The following CYFIP1 variants were observed in gnomAD, a reference collection of about 807,000 sequenced individuals.
CYFIP1 encodes cytoplasmic FMR1 interacting protein 1.
CYFIP1 carries 58 observed loss-of-function variants against 163.5 expected under a neutral mutation model. The observed-to-expected ratio is 0.35, with a 90% CI of 0.29 to 0.44. The LOEUF (loss-of-function observed/expected upper bound fraction) is 0.44, where lower values mean the gene tolerates loss of function less well. Ranked by LOEUF, CYFIP1 falls within the 20% of genes least tolerant of loss-of-function variation. The pLI is 1.00. For missense variants in CYFIP1, 1,338 were observed against 1,653.8 expected (o/e 0.81, Z 3.31); for synonymous variants, 663 against 660.7 (o/e 1.00, Z -0.05).
Position 22,875,325 on chromosome 15 carries a change from A to G in CYFIP1, c.3043-54T>C, listed in dbSNP as rs1031507342. The G allele has an allele frequency of 8.0e-6, 12 of 1,502,386 alleles. No individual in the cohort carries two copies. The African/African-American group carries it at 1.1e-4, about 14-fold the overall frequency. The allele number at this position is 1,502,386 out of a possible 1,614,324, so 93.1% of individuals were successfully genotyped here. On this transcript the variant is annotated intron_variant, in intron 26 of 30. Coordinates refer to ENST00000617928, the MANE Select transcript of CYFIP1 (RefSeq NM_014608.6). ...AGGAAGGGTATCTCGCCAGAGAGCA[A>G]TCTGGTGCTGAAAACCAAGAACTTC...
chr15:22,872,777 T>G, intron 30 of CYFIP1, 48 bp downstream of exon 30: 1 of 1,583,124 alleles, frequency 6.3e-7, no homozygotes. Context: ...AAAGAAAGTA[T>G]GCTTTTGCAA....
At chr15:22,874,504 T>C (rs986183416) in intron 28 of CYFIP1, 46 bp downstream of exon 28, 26 of 1,469,482 alleles carry the variant, frequency 1.8e-5, no homozygotes, top group Non-Finnish European at 2.4e-5. Context: ...TGGCCTGGCA[T>C]GGATGCCCAG....
intron 25 of CYFIP1, among the ~76,000 whole-genome samples, chr15:22,880,490 C>T (rs754671647): frequency 6.6e-6 from 1 of 152,214 alleles, no homozygotes; most frequent in Non-Finnish European, 1.5e-5. Flanking sequence ...GGAGGCCGCA[C>T]ACCAGGCCAG....
chr15:22,953,845 G>A (rs2062345615), intron 1 of CYFIP1, among the ~76,000 whole-genome samples: 1 of 152,144 alleles, frequency 6.6e-6, no homozygotes, highest in Non-Finnish European at 1.5e-5. Context: ...CACGAAGTCA[G>A]GAGATCGAGA....
At chr15:22,952,108 T>C (rs1595692189) in intron 1 of CYFIP1, among the ~76,000 whole-genome samples, 2 of 152,242 alleles carry the variant, frequency 1.3e-5, no homozygotes, top group East Asian at 3.9e-4. Context: ...TTAACGACCT[T>C]AGGCTAAGTG....
At chr15:22,942,686 A>T (rs905032406) in intron 6 of CYFIP1, among the ~76,000 whole-genome samples, 3 of 152,204 alleles carry the variant, frequency 2.0e-5, no homozygotes, top group African/African-American at 7.2e-5. Flanking sequence ...TGACCACGAG[A>T]CACCCTGTGA....
Position 22,910,549 on chromosome 15 carries a change from C to G in CYFIP1, c.2239G>C (p.Glu747Gln), listed in dbSNP as rs775125953. Residue 747 changes from glutamate (E) to glutamine (Q), a missense_variant, in exon 20 of 31, where the codon GAG (glutamate) becomes CAG (glutamine). By Grantham distance (29) the Glu-to-Gln change is conservative. Transcript: ENST00000617928. ...ACATGCCTCTGCTTCAGCAGCGTCT[C>G]GTAGCGGTTAGACGGCGGGAGGTGG... ...TIHLPPSNRYETLLKQRHVQL... is the reference protein window; with the variant it reads ...TIHLPPSNRYQTLLKQRHVQL... 1 of 1,613,978 alleles carries G rather than the reference C, an allele frequency of 6.2e-7. No homozygotes were observed. The highest frequency in any genetic ancestry group is 1.1e-5 in the South Asian group (1 of 91,092).
At chr15:22,924,855 T>C (rs1432970992) in intron 13 of CYFIP1, among the ~76,000 whole-genome samples, 1 of 152,072 alleles carries the variant, frequency 6.6e-6, no homozygotes, top group East Asian at 1.9e-4. Context: ...GTGGATTGCT[T>C]GAGCTCAGGA....
chr15:22,946,775 G>A (rs562618453), intron 3 of CYFIP1: 30 of 674,296 alleles, frequency 4.4e-5, no homozygotes, highest in African/African-American at 4.0e-4. Flanking sequence ...CCCTTGAAAC[G>A]CTGACAAAGG....
chr15:22,917,060 GGAGA>G lies in CYFIP1; in HGVS notation c.1675-434_1675-431del. 2.7e-6 allele frequency: 4 copies of G among 1,507,354 alleles called. No homozygotes were observed. The highest frequency in any genetic ancestry group is 3.5e-6 in the Non-Finnish European group (4 of 1,128,028). The allele number at this position is 1,507,354 out of a possible 1,614,324, so 93.4% of individuals were successfully genotyped here. A position where few individuals can be genotyped will look rare whatever the true frequency, so the allele number is the denominator to read the frequency against. ...CACGGACAGACAGGAGGGAGAGGCAGGAGAGAGACGTTAGTCACTCGACACACAC... is the reference window on the plus strand; with the variant it reads ...CACGGACAGACAGGAGGGAGAGGCAGGAGACGTTAGTCACTCGACACACAC... On this transcript the variant is annotated intron_variant, in intron 15 of 30. Coordinates refer to ENST00000617928, the MANE Select transcript of CYFIP1 (RefSeq NM_014608.6). This position sits in a 1 kb window ranked among gnomAD's most constrained non-coding sequence, Gnocchi z 4.2.
chr15:22,893,008 A>G (rs1247173290), intron 22 of CYFIP1, 31 bp from the exon 23 acceptor site: 1 of 1,526,686 alleles, frequency 6.6e-7, no homozygotes, highest in Non-Finnish European at 9.0e-7. Context: ...AAAGAAAAAG[A>G]AACCAAATTT....
chr15:22,892,284 C>T (rs2060105552), intron 23 of CYFIP1, among the ~76,000 whole-genome samples: 1 of 152,210 alleles, frequency 6.6e-6, no homozygotes, highest in Non-Finnish European at 1.5e-5. Flanking sequence ...CACACGGGTG[C>T]TTGAAACGTG....
intron 22 of CYFIP1, among the ~76,000 whole-genome samples, chr15:22,898,452 A>T (rs1168740353): frequency 6.6e-6 from 1 of 152,078 alleles, no homozygotes; most frequent in Non-Finnish European, 1.5e-5. Context: ...ATTTTACTAT[A>T]TATTCTCAAT....
intron 22 of CYFIP1, among the ~76,000 whole-genome samples, chr15:22,897,573 T>C (rs1211380293): frequency 6.6e-6 from 1 of 151,950 alleles, no homozygotes; most frequent in Non-Finnish European, 1.5e-5. Flanking sequence ...AGCCTTGACG[T>C]CCCGGGTTCA....
chr15:22,875,464 T>C (rs2059555893), intron 26 of CYFIP1, 193 bp from the exon 27 acceptor site: 2 of 613,378 alleles, frequency 3.3e-6, no homozygotes, highest in Non-Finnish European at 2.9e-6. Context: ...CCGCCAGCCA[T>C]GCATGCCTAG....
At chr15:22,895,168 C>T (rs2141968593) in intron 22 of CYFIP1, among the ~76,000 whole-genome samples, 1 of 152,230 alleles carries the variant, frequency 6.6e-6, no homozygotes, top group South Asian at 2.1e-4. Flanking sequence ...GCGCCCGCCA[C>T]CAAGCCCAGC....
At chr15:22,963,525 A>ATAACC (rs1043901733) in intron 1 of CYFIP1, among the ~76,000 whole-genome samples, 1 of 145,666 alleles carries the variant, frequency 6.9e-6, no homozygotes, top group Non-Finnish European at 1.5e-5. Context: ...ATAACATAAC[A>ATAACC]TAACATAACA....
chr15:22,898,940 T>A (rs577721046), intron 22 of CYFIP1, among the ~76,000 whole-genome samples: 1 of 151,820 alleles, frequency 6.6e-6, no homozygotes, highest in Non-Finnish European at 1.5e-5. Flanking sequence ...AGGCAGAGGT[T>A]GCAGTGAGCC....
At position 22,914,768 on chromosome 15, in the gene CYFIP1, A is replaced by G. The variant is rs1269541315; in HGVS notation, c.1943T>C (p.Leu648Pro). 2 of 1,613,824 alleles carry G rather than the reference A, an allele frequency of 1.2e-6. No homozygotes were observed. The highest frequency in any genetic ancestry group is 1.7e-6 in the Non-Finnish European group (2 of 1,179,860). Residue 648 changes from leucine to proline, a missense_variant, in exon 17 of 31, where the codon CTG becomes CCG. Physicochemically the swap from Leu to Pro is moderately conservative, Grantham distance 98 (BLOSUM62 -3). This residue lies in a region of CYFIP1 where 824 missense variants were observed against 995.7 expected (regional missense o/e 0.83). Coordinates refer to ENST00000617928, the MANE Select transcript of CYFIP1 (RefSeq NM_014608.6). ...FPIEMSMPWI[L>P]TDHILETKEA... ...CTTGGTCTCCAGGATGTGGTCCGTCAGGATCCAGGGCATCGACATCTCAAT... is the reference window on the plus strand; with the variant it reads ...CTTGGTCTCCAGGATGTGGTCCGTCGGGATCCAGGGCATCGACATCTCAAT...
Sources: allele counts gnomAD v4.1 joint callset (sites outside exome capture counted in the v4.1 genomes callset), GRCh38; gene constraint gnomAD v4.1.1; regional missense constraint gnomAD v4.1.1; non-coding constraint Gnocchi (gnomAD v3.1); transcripts MANE v1.5; gene names NCBI Gene and HGNC (gene_info 2026-07-23, HGNC 2026-07-21).